Variants in RANGAP1 observed in about 807,000 individuals in gnomAD.
RANGAP1 encodes ran GTPase-activating protein 1.
Under a neutral mutation model 63.5 loss-of-function variants are expected in RANGAP1, and 38 were observed. The observed-to-expected ratio is 0.60, with a 90% CI of 0.46 to 0.78. The LOEUF (loss-of-function observed/expected upper bound fraction) is 0.78, where lower values mean the gene tolerates loss of function less well. Among genes scored for constraint, RANGAP1 ranks in the 30% least tolerant of loss-of-function variants. The probability of loss-of-function intolerance (pLI) is 0.00; values close to 1 mark genes in which losing one functional copy is unlikely to be tolerated. For missense variants in RANGAP1, 630 were observed against 740.3 expected, an observed-to-expected ratio of 0.85 and a Z score of 1.73; for synonymous variants, 329 against 310.5, an observed-to-expected ratio of 1.06 and a Z score of -0.63.
chr22:41,279,980 C>T (rs555638347), intron 2 of RANGAP1, among the ~76,000 whole-genome samples: 14 of 151,970 alleles, frequency 9.2e-5, no homozygotes, highest in Admixed American at 3.9e-4. Context: ...CGCCTGTAAT[C>T]CCAGCTACTC....
chr22:41,282,837 C>CA (rs1276005580), intron 1 of RANGAP1, among the ~76,000 whole-genome samples: 1 of 151,756 alleles, frequency 6.6e-6, no homozygotes, highest in Non-Finnish European at 1.5e-5. Flanking sequence ...TGAGATGCTC[C>CA]AAAAAAAGAA....
At chr22:41,250,925 G>T in intron 13 of RANGAP1, 82 bp downstream of exon 13, 1 of 1,207,936 alleles carries the variant, frequency 8.3e-7, no homozygotes, top group Non-Finnish European at 1.2e-6. Flanking sequence ...GGGCTGACGA[G>T]TTACGGCAAC....
chr22:41,265,457 C>T (rs547709327), intron 4 of RANGAP1, among the ~76,000 whole-genome samples: 4 of 152,310 alleles, frequency 2.6e-5, no homozygotes, highest in African/African-American at 4.8e-5. Context: ...ACCTGCCAGC[C>T]GGTGTGACAA....
At chr22:41,288,783 G>C (rs2035802154), upstream of RANGAP1, among the ~76,000 whole-genome samples, 1 of 151,934 alleles carries the variant, frequency 6.6e-6, no homozygotes, top group Admixed American at 6.6e-5. Context: ...CATGGGGCTT[G>C]TCGGGGCTTG....
chr22:41,294,727 G>T, the RANGAP1 span, among the ~76,000 whole-genome samples: 1 of 130,722 alleles, frequency 7.6e-6, no homozygotes, highest in Non-Finnish European at 1.6e-5. Flanking sequence ...TGTGAGGAGC[G>T]TCTCTGCCCG....
Position 41,251,080 on chromosome 22 carries a change from G to C in RANGAP1, c.1410C>G (p.Val470=). ...CAGATGACACCTTTAGGAAGGCAGAGACCACCTTCTCGGGGTCAGACGTGT... is the reference window on the plus strand; with the variant it reads ...CAGATGACACCTTTAGGAAGGCAGACACCACCTTCTCGGGGTCAGACGTGT... The part of the protein sequence containing the change: ...QTDTSDPEKV[V]SAFLKVSSVF... The change falls in exon 13 of 16, where the codon GTC becomes GTG. Residue 470 remains valine (V), a synonymous_variant. Transcript: ENST00000356244. 6.2e-7 allele frequency: 1 copy of C among 1,614,140 alleles called. No individual in the cohort carries two copies. Among genetic ancestry groups the C allele is most frequent in the Non-Finnish European group, 8.5e-7 (1 of 1,180,026 alleles).
At chr22:41,299,007 T>G in the RANGAP1 span, among the ~76,000 whole-genome samples, 3 of 152,316 alleles carry the variant, frequency 2.0e-5, no homozygotes, top group Non-Finnish European at 2.9e-5. Flanking sequence ...CAGAGAGAGA[T>G]AATCTCCCCA....
At chr22:41,266,183 CAG>C (rs2034464594) in intron 4 of RANGAP1, among the ~76,000 whole-genome samples, 2 of 145,570 alleles carry the variant, frequency 1.4e-5, no homozygotes, top group Admixed American at 1.4e-4. Flanking sequence ...GCCTGGGAAA[CAG>C]AGTGAGACTC....
At chr22:41,301,666 C>T in the RANGAP1 span, 1 of 152,134 alleles carries the variant, frequency 6.6e-6, no homozygotes. Flanking sequence ...AATTAAATAG[C>T]ATTTACTCTT....
At chr22:41,261,391 A>G in intron 6 of RANGAP1, 55 bp downstream of exon 6, 1 of 1,609,426 alleles carries the variant, frequency 6.2e-7, no homozygotes, top group Non-Finnish European at 8.5e-7. Flanking sequence ...CTGTCAGCCT[A>G]CTATGCCGAG....
intron 3 of RANGAP1, among the ~76,000 whole-genome samples, chr22:41,272,005 G>A (rs570547271): frequency 8.4e-4 from 128 of 152,332 alleles, no homozygotes; most frequent in African/African-American, 2.8e-3. Flanking sequence ...CACTCCTACC[G>A]GCCAGGCTCT....
Position 41,245,041 on chromosome 22 carries a change from A to G in RANGAP1, c.*1562T>C, listed in dbSNP as rs1432431797. ...GCTTATTTCATTTAACATGTTTTCA[A>G]AGTTCATCCACGTTGTAGCTGGCAT... On this transcript the variant is annotated 3_prime_UTR_variant, in exon 16 of 16. Coordinates refer to ENST00000356244, the MANE Select transcript of RANGAP1 (RefSeq NM_002883.4). 6.6e-6 allele frequency among the ~76,000 whole-genome samples: 1 copy of G among 152,158 alleles called. No homozygotes were observed. Among genetic ancestry groups the G allele is most frequent in the Admixed American group, 6.6e-5 (1 of 15,262 alleles).
At chr22:41,276,972 G>A (rs1268709487) in intron 2 of RANGAP1, among the ~76,000 whole-genome samples, 19 of 143,294 alleles carry the variant, frequency 1.3e-4, no homozygotes, top group African/African-American at 4.7e-4. Flanking sequence ...GCTACAGAGC[G>A]AGACTGTTTC....
chr22:41,258,637 ATTTTCT>A (rs1186867733), intron 6 of RANGAP1, among the ~76,000 whole-genome samples: 3 of 151,308 alleles, frequency 2.0e-5, no homozygotes, highest in East Asian at 2.0e-4. Flanking sequence ...CTGCCTCCTT[ATTTTCT>A]TTTTCTTTTT....
In RANGAP1 at chr22:41,254,413, TTCC is replaced by T. The variant is rs539464865; in HGVS notation, c.1152_1154del (p.Glu397del). ...CCTCCTCCTCCTCTTCTTCCTCCTCTTCCTCATCTTCCTCCTCCTCTTCTTCTG... is the reference window on the plus strand; with the variant it reads ...CCTCCTCCTCCTCTTCTTCCTCCTCTTCATCTTCCTCCTCCTCTTCTTCTG... On this transcript the variant is annotated inframe_deletion, in exon 11 of 16. Transcript: ENST00000356244. The T allele has an allele frequency of 1.5e-3, 2,426 of 1,612,984 alleles. 3 individuals are homozygous for T. The highest frequency in any genetic ancestry group is 2.0e-3 in the Middle Eastern group (12 of 6,060).
intron 5 of RANGAP1, among the ~76,000 whole-genome samples, chr22:41,262,881 G>A (rs558423135): frequency 6.6e-6 from 1 of 152,282 alleles, no homozygotes; most frequent in Admixed American, 6.5e-5. Flanking sequence ...CAACTCCTCT[G>A]GGCCCTTCTA....
chr22:41,300,026 T>C, the RANGAP1 span, among the ~76,000 whole-genome samples: 1 of 151,222 alleles, frequency 6.6e-6, no homozygotes, highest in South Asian at 2.1e-4. Flanking sequence ...GCTGGGATTA[T>C]AGGCGTGAGC....
Position 41,259,368 on chromosome 22 carries a change from C to T in RANGAP1, c.616-1262G>A, listed in dbSNP as rs140052883. On this transcript the variant is annotated intron_variant, in intron 6 of 15. Transcript: ENST00000356244. Reference sequence around the variant, plus strand: ...CCAGGTCAGGCCTTCTTAGTATTTTCTGTGCCATGAACCCTTCAGGCAGTC... The same window carrying T: ...CCAGGTCAGGCCTTCTTAGTATTTTTTGTGCCATGAACCCTTCAGGCAGTC... Among the ~76,000 whole-genome samples, 246 of 152,296 alleles carry T rather than the reference C, an allele frequency of 1.6e-3. 1 individual carries two copies. The highest frequency in any genetic ancestry group is 3.0e-3 in the Non-Finnish European group (203 of 68,020).
intron 3 of RANGAP1, among the ~76,000 whole-genome samples, chr22:41,273,627 C>T (rs1272880439): frequency 3.3e-5 from 5 of 151,166 alleles, no homozygotes; most frequent in Non-Finnish European, 7.4e-5. Flanking sequence ...ATTAGCTGGG[C>T]AAGGTGGTGA....
Sources: gnomAD v4.1 joint callset for allele counts (sites outside exome capture counted in the v4.1 genomes callset) on GRCh38, gnomAD v4.1.1 for gene constraint, MANE v1.5 for transcripts, NCBI Gene and HGNC (gene_info 2026-07-23, HGNC 2026-07-21) for gene names.